DNAI1: variants seen among roughly 807,000 people sequenced by gnomAD.
DNAI1 encodes the protein dynein axonemal intermediate chain 1, also known as dynein, axonemal, intermediate polypeptide 1.
DNAI1 carries 67 observed loss-of-function variants against 92.0 expected under a neutral mutation model. The ratio of observed to expected loss-of-function variants is 0.73; its 90% CI spans 0.60 to 0.89. The LOEUF (loss-of-function observed/expected upper bound fraction) is 0.89. Ranked by LOEUF, DNAI1 falls within the 40% of genes least tolerant of loss-of-function variation. DNAI1 has a pLI of 0.00. For missense variants in DNAI1, 839 were observed against 866.6 expected, an observed-to-expected ratio of 0.97 and a Z score of 0.40; for synonymous variants, 323 against 319.6, an observed-to-expected ratio of 1.01 and a Z score of -0.11.
At chr9:34,506,297 GT>G (rs1564039207) in intron 12 of DNAI1, among the ~76,000 whole-genome samples, 1 of 152,144 alleles carries the variant, frequency 6.6e-6, no homozygotes, top group Non-Finnish European at 1.5e-5. Flanking sequence ...CCCTCTGAGG[GT>G]TCTGCTCCTT....
chr9:34,479,340 G>C (rs1824296005), intron 1 of DNAI1, among the ~76,000 whole-genome samples: 1 of 152,178 alleles, frequency 6.6e-6, no homozygotes, highest in East Asian at 1.9e-4. Context: ...GTCTGTCTCA[G>C]GCTTCTCATT....
intron 10 of DNAI1, among the ~76,000 whole-genome samples, chr9:34,498,173 G>A (rs923659681): frequency 7.2e-5 from 11 of 152,226 alleles, no homozygotes; most frequent in Admixed American, 3.3e-4. Context: ...ATGGAGAAAA[G>A]GGAACAGTTA....
intron 15 of DNAI1, 137 bp from the exon 16 acceptor site, chr9:34,512,975 G>A: frequency 1.3e-6 from 1 of 783,786 alleles, no homozygotes; most frequent in Admixed American, 1.8e-5. Flanking sequence ...AGCCCTTACA[G>A]GGGCCCTAGT....
intron 8 of DNAI1, 106 bp downstream of exon 8, chr9:34,491,660 G>A: frequency 4.0e-6 from 5 of 1,239,384 alleles, no homozygotes; most frequent in Non-Finnish European, 5.8e-6. Context: ...CTGGCAGTCT[G>A]CCCTCCTCAT....
intron 8 of DNAI1, 89 bp from the exon 9 acceptor site, chr9:34,493,105 A>G: frequency 6.3e-7 from 1 of 1,581,836 alleles, no homozygotes; most frequent in Non-Finnish European, 8.7e-7. Flanking sequence ...GGTTAACATG[A>G]CCAATTCCTT....
chr9:34,517,500 A>G (rs750705030), intron 19 of DNAI1, 33 bp downstream of exon 19: 4 of 1,613,666 alleles, frequency 2.5e-6, no homozygotes, highest in African/African-American at 2.7e-5. Context: ...CTGCTGCAAG[A>G]CGTAAAGTCT....
chr9:34,497,062 T>C (rs1393873292), intron 9 of DNAI1, 53 bp from the exon 10 acceptor site: 4 of 1,374,188 alleles, frequency 2.9e-6, no homozygotes, highest in African/African-American at 1.4e-5. Context: ...TCAGGACATA[T>C]GACCTTGCTA....
Position 34,512,193 on chromosome 9 carries a change from G to T in DNAI1, c.1396G>T (p.Val466Leu). 2.5e-6 allele frequency: 4 copies of T among 1,614,128 alleles called. No individual in the cohort carries two copies. Among genetic ancestry groups the T allele is most frequent in the Non-Finnish European group, 3.4e-6 (4 of 1,180,012 alleles). Residue 466 changes from valine (V) to leucine (L), a missense_variant, in exon 14 of 20, where the codon GTG (valine) becomes TTG (leucine). Transcript: ENST00000242317. ...CGGCAGGATTGTGTCTTGGACTCTCGTGAAGGTGCCTATTTCCCAGAGAGG... is the reference window on the plus strand; with the variant it reads ...CGGCAGGATTGTGTCTTGGACTCTCTTGAAGGTGCCTATTTCCCAGAGAGG... ...SDGRIVSWTL[V>L]KRKLVHIDVI...
rs780095083 is a variant in DNAI1, at chr9:34,514,497, C to A, written c.1673C>A (p.Ser558Tyr). ...WNPYHTKVFM[S>Y]CSSDWTVKIW... ...CCATACCACACCAAGGTCTTCATGT[C>A]CTGCAGCTCCGACTGGACAGTGAAG... is the stretch of plus-strand genomic sequence containing the variant. The change falls in exon 17 of 20, where the codon TCC becomes TAC. Residue 558 changes from serine to tyrosine, a missense_variant. By Grantham distance (144) the Ser-to-Tyr change is moderately radical. Transcript: ENST00000242317. The A allele has an allele frequency of 1.9e-6, 3 of 1,614,240 alleles. No individual in the cohort carries two copies. The highest frequency in any genetic ancestry group is 8.5e-7 in the Non-Finnish European group (1 of 1,180,048).
intron 1 of DNAI1, among the ~76,000 whole-genome samples, chr9:34,469,127 T>C (rs1824092695): frequency 6.6e-6 from 1 of 151,976 alleles, no homozygotes; most frequent in Admixed American, 6.6e-5. Context: ...GTCAAACTAC[T>C]GAAAACCAAA....
In DNAI1 at chr9:34,483,516, T is replaced by C. The variant is rs201156798; in HGVS notation, c.81+36T>C. ...AGACTACCATGGTCTCTCAGCAAGA[T>C]GCTAATAGTGTTTTTTTTGTTGAAA... is the stretch of plus-strand genomic sequence containing the variant. On this transcript the variant is annotated intron_variant, in intron 2 of 19. Coordinates refer to ENST00000242317, the MANE Select transcript of DNAI1 (RefSeq NM_012144.4). The C allele has an allele frequency of 7.4e-4, 1,184 of 1,592,168 alleles. 4 individuals carry two copies. The highest frequency in any genetic ancestry group is 2.4e-3 in the Admixed American group (142 of 59,472).
rs777107705 is a variant in DNAI1, at chr9:34,493,213, A to G, written c.701A>G (p.Tyr234Cys). Residue 234 changes from tyrosine to cysteine, a missense_variant, in exon 9 of 20, where the codon TAT becomes TGT. By Grantham distance (194) the Tyr-to-Cys change is radical. Transcript: ENST00000242317. ...GCCTAGTGGGAGATCTATGATGCCT[A>G]TGTAGAGGAACTTGAGAAGCAGGAA... is the stretch of plus-strand genomic sequence containing the variant. Reference protein sequence around the residue: ...TANQWEIYDAYVEELEKQEKT... With the variant: ...TANQWEIYDACVEELEKQEKT... The G allele has an allele frequency of 3.1e-6, 5 of 1,614,062 alleles. No homozygotes were observed. The African/African-American group carries it at 4.0e-5, about 13-fold the overall frequency.
At chr9:34,486,055 G>T (rs1292975349) in intron 4 of DNAI1, among the ~76,000 whole-genome samples, 1 of 152,098 alleles carries the variant, frequency 6.6e-6, no homozygotes, top group Non-Finnish European at 1.5e-5. Flanking sequence ...GGTAAGTTCT[G>T]ACCTGATAGA....
At chr9:34,464,763 A>G (rs1054032055) in intron 1 of DNAI1, among the ~76,000 whole-genome samples, 8 of 152,180 alleles carry the variant, frequency 5.3e-5, no homozygotes, top group Admixed American at 3.9e-4. Context: ...TGACGTCAGA[A>G]GCTCTTGATG....
rs1337494328 is a variant in DNAI1, at chr9:34,481,929, C to T, written c.49-1519C>T. Among the ~76,000 whole-genome samples, 7 of 152,296 alleles carry T rather than the reference C, an allele frequency of 4.6e-5. No individual in the cohort carries two copies. The South Asian group carries it at 1.2e-3, about 27-fold the overall frequency. On this transcript the variant is annotated intron_variant, in intron 1 of 19. Transcript: ENST00000242317. ...CCCGAGCAGGTTGCCAATGCTGGCT[C>T]GGGCAGCCTGCTTTTATTCTTATCT...
chr9:34,499,898 G>A (rs1371825904), intron 10 of DNAI1, among the ~76,000 whole-genome samples: 1 of 152,132 alleles, frequency 6.6e-6, no homozygotes, highest in Non-Finnish European at 1.5e-5. Flanking sequence ...GGGGTGTCGT[G>A]AGGTGCCTTG....
intron 13 of DNAI1, among the ~76,000 whole-genome samples, chr9:34,507,738 G>T (rs940133110): frequency 6.6e-6 from 1 of 152,232 alleles, no homozygotes; most frequent in Non-Finnish European, 1.5e-5. Flanking sequence ...CTCCCAGGAA[G>T]GGGTGGCTGC....
At chr9:34,492,493 G>GAGAGAGAGATATATATATAT in intron 8 of DNAI1, among the ~76,000 whole-genome samples, 1 of 68,258 alleles carries the variant, frequency 1.5e-5, no homozygotes, top group South Asian at 4.5e-4. Flanking sequence ...GGGATATGAA[G>GAGAGAGAGATATATATATAT]ATATATATAT....
At chr9:34,486,282 A>G (rs1216178034) in intron 4 of DNAI1, among the ~76,000 whole-genome samples, 1 of 152,160 alleles carries the variant, frequency 6.6e-6, no homozygotes, top group Non-Finnish European at 1.5e-5. Context: ...AAAATATCTC[A>G]TATAATCCTC....
Sources: allele counts gnomAD v4.1 joint callset (sites outside exome capture counted in the v4.1 genomes callset), GRCh38; gene constraint gnomAD v4.1.1; transcripts MANE v1.5; gene names NCBI Gene and HGNC (gene_info 2026-07-23, HGNC 2026-07-21).